CNNM1: variants seen among roughly 807,000 people sequenced by gnomAD.
CNNM1 encodes the protein metal transporter CNNM1.
A neutral mutation model predicts 78.8 loss-of-function variants in CNNM1; 44 were observed. The ratio of observed to expected loss-of-function variants is 0.56; its 90% CI spans 0.44 to 0.72. CNNM1 has a LOEUF of 0.72. Ranked by LOEUF, CNNM1 falls within the 30% of genes least tolerant of loss-of-function variation. The probability of loss-of-function intolerance (pLI) is 0.00; values close to 1 mark genes in which losing one functional copy is unlikely to be tolerated. For synonymous variants in CNNM1, 584 were observed against 581.5 expected (o/e 1.00, Z -0.06); for missense variants, 1,101 against 1,292.2 (o/e 0.85, Z 2.27).
At chr10:99,389,331 C>T (rs540700240) in intron 9 of CNNM1, among the ~76,000 whole-genome samples, 31 of 148,138 alleles carry the variant, frequency 2.1e-4, no homozygotes, top group Non-Finnish European at 3.7e-4. Context: ...GCAGGAGAAT[C>T]GCTTGAACCT....
chr10:99,335,555 A>G (rs1455541970), intron 1 of CNNM1, among the ~76,000 whole-genome samples: 5 of 152,142 alleles, frequency 3.3e-5, no homozygotes, highest in Admixed American at 1.3e-4. Context: ...GGAATAATTA[A>G]TGTTGTTCCT....
intron 6 of CNNM1, among the ~76,000 whole-genome samples, chr10:99,372,278 A>G (rs189265382): frequency 6.6e-6 from 1 of 152,230 alleles, no homozygotes; most frequent in Non-Finnish European, 1.5e-5. Flanking sequence ...CAAGTAGCCA[A>G]CCCAGGACAG....
intron 1 of CNNM1, among the ~76,000 whole-genome samples, chr10:99,353,103 A>G (rs1431307304): frequency 6.6e-6 from 1 of 152,126 alleles, no homozygotes; most frequent in African/African-American, 2.4e-5. Flanking sequence ...GCATCTTTTC[A>G]TGTGCATTGA....
intron 6 of CNNM1, among the ~76,000 whole-genome samples, chr10:99,376,593 A>G (rs1417158715): frequency 1.3e-5 from 2 of 152,116 alleles, no homozygotes; most frequent in Non-Finnish European, 1.5e-5. Context: ...ATTGGAGTTG[A>G]TGTAAAATAC....
intron 3 of CNNM1, among the ~76,000 whole-genome samples, chr10:99,361,567 C>T (rs1026218227): frequency 2.6e-5 from 4 of 152,152 alleles, no homozygotes; most frequent in Non-Finnish European, 5.9e-5. Context: ...GTAATGAGTG[C>T]TAGCACTGTT....
At chr10:99,338,742 A>G (rs1423680507) in intron 1 of CNNM1, among the ~76,000 whole-genome samples, 1 of 152,220 alleles carries the variant, frequency 6.6e-6, no homozygotes, top group Non-Finnish European at 1.5e-5. Flanking sequence ...TATTAAAAAT[A>G]TATTGCACAT....
intron 7 of CNNM1, among the ~76,000 whole-genome samples, chr10:99,379,242 C>A (rs544756437): frequency 1.2e-4 from 18 of 152,196 alleles, no homozygotes; most frequent in East Asian, 1.9e-4. Context: ...GTGAAGACAG[C>A]AAGCTGCTGC....
At chr10:99,345,866 AAAT>A (rs1268622526) in intron 1 of CNNM1, among the ~76,000 whole-genome samples, 2 of 152,126 alleles carry the variant, frequency 1.3e-5, no homozygotes, top group African/African-American at 4.8e-5. Context: ...TAATTTAAAA[AAAT>A]TTTTTTAAGA....
At position 99,381,870 on chromosome 10, in the gene CNNM1, CT is replaced by C. The variant is rs147426909; in HGVS notation, c.2340+4662del. Among the ~76,000 whole-genome samples the C allele has an allele frequency of 1.1e-3, 162 of 146,310 alleles. 1 individual carries two copies. Among genetic ancestry groups the C allele is most frequent in the African/African-American group, 3.4e-3 (134 of 39,940 alleles). On this transcript the variant is annotated intron_variant, in intron 7 of 10. Transcript: ENST00000356713. ...CTTTTTTGTTTTGATTTTCTCTTTT[CT>C]TTTTTTTTTAATATAAGATTCTGCC...
At chr10:99,356,583 A>AGAAT (rs2031203194) in intron 1 of CNNM1, among the ~76,000 whole-genome samples, 1 of 85,178 alleles carries the variant, frequency 1.2e-5, no homozygotes, top group Non-Finnish European at 2.8e-5. Context: ...AAAGAAAGAA[A>AGAAT]GAAAGAAAGA....
intron 6 of CNNM1, among the ~76,000 whole-genome samples, chr10:99,369,531 A>T (rs1002931197): frequency 4.6e-5 from 7 of 152,176 alleles, no homozygotes; most frequent in African/African-American, 1.4e-4. Context: ...CTCAACATTT[A>T]AAAAAGGTCA....
At chr10:99,331,440 T>C (rs1298940816) in intron 1 of CNNM1, among the ~76,000 whole-genome samples, 3 of 152,242 alleles carry the variant, frequency 2.0e-5, no homozygotes, top group South Asian at 2.1e-4. Context: ...TTTCCTCATA[T>C]AGAGCAGAAT....
intron 3 of CNNM1, 140 bp downstream of exon 3, chr10:99,361,115 CT>C: frequency 2.1e-6 from 2 of 932,188 alleles, no homozygotes; most frequent in Non-Finnish European, 1.5e-6. Context: ...AGGAGGTTGC[CT>C]TAGACAGGGT....
intron 6 of CNNM1, among the ~76,000 whole-genome samples, chr10:99,367,335 C>T (rs1041499713): frequency 1.1e-4 from 16 of 152,162 alleles, no homozygotes; most frequent in African/African-American, 1.7e-4. Flanking sequence ...AATACTGGCA[C>T]GATGACCTAT....
intron 1 of CNNM1, among the ~76,000 whole-genome samples, chr10:99,336,074 G>A (rs139824692): frequency 1.3e-5 from 2 of 152,262 alleles, no homozygotes; most frequent in African/African-American, 4.8e-5. Flanking sequence ...ACCAAAGCTG[G>A]CCAAATAATT....
In CNNM1 at chr10:99,370,227, G is replaced by A. The variant is rs1171256352; in HGVS notation, c.2176+5225G>A. Among the ~76,000 whole-genome samples, 12 of 152,250 alleles carry A rather than the reference G, an allele frequency of 7.9e-5. No individual in the cohort carries two copies. In the East Asian group the frequency reaches 2.3e-3, roughly 29 times the overall value. On this transcript the variant is annotated intron_variant, in intron 6 of 10. Transcript: ENST00000356713. ...TGGGTGGTGTCATGTGCCCCTGAGA[G>A]TATTTTCAACTTTCCCCCCTTTTCC... is the stretch of plus-strand genomic sequence containing the variant.
At position 99,391,698 on chromosome 10, in the gene CNNM1, T is replaced by C; in HGVS notation, c.*182T>C. 1 of 579,274 alleles carries C rather than the reference T, an allele frequency of 1.7e-6. No individual in the cohort carries two copies. The highest frequency in any genetic ancestry group is 3.1e-6 in the Non-Finnish European group (1 of 324,218). The allele number at this position is 579,274 out of a possible 1,614,324, so 35.9% of individuals were successfully genotyped here. On this transcript the variant is annotated 3_prime_UTR_variant, in exon 11 of 11. Transcript: ENST00000356713. Reference sequence around the variant, plus strand: ...TTTCCCTCGTTACCTCCAGTTCGACTCAGAACCTTGACATGGCCATAACAG... The same window carrying C: ...TTTCCCTCGTTACCTCCAGTTCGACCCAGAACCTTGACATGGCCATAACAG...
chr10:99,356,564 G>GACAGAAAGAAAGAAAAGAAAAGA (rs1554940021), intron 1 of CNNM1, among the ~76,000 whole-genome samples: 11 of 98,186 alleles, frequency 1.1e-4, no homozygotes, highest in Admixed American at 2.1e-4. Context: ...CAGACAGACA[G>GACAGAAAGAAAGAAAAGAAAAGA]AAAGAAAGAA....
chr10:99,374,043 G>A (rs933787180), intron 6 of CNNM1, among the ~76,000 whole-genome samples: 22 of 152,174 alleles, frequency 1.4e-4, no homozygotes, highest in African/African-American at 1.4e-4. Context: ...TACACGTACA[G>A]GTATCTTTTT....
Sources: gnomAD v4.1 joint callset for allele counts (sites outside exome capture counted in the v4.1 genomes callset) on GRCh38, gnomAD v4.1.1 for gene constraint, MANE v1.5 for transcripts, NCBI Gene and HGNC (gene_info 2026-07-23, HGNC 2026-07-21) for gene names.